The following ACOT11 variants were observed in gnomAD, a reference collection of about 807,000 sequenced individuals.
ACOT11 encodes acyl-coenzyme A thioesterase 11.
A neutral mutation model predicts 77.5 loss-of-function variants in ACOT11; 69 were observed. The ratio of observed to expected loss-of-function variants is 0.89; its 90% CI spans 0.73 to 1.09. The LOEUF is 1.09. Among genes scored for constraint, ACOT11 ranks in the 50% least tolerant of loss-of-function variants. ACOT11 has a pLI of 0.00. For synonymous variants in ACOT11, 279 were observed against 313.0 expected, an observed-to-expected ratio of 0.89 and a Z score of 1.15; for missense variants, 766 against 813.7, an observed-to-expected ratio of 0.94 and a Z score of 0.71.
chr1:54,574,415 C>T (rs1003753454), intron 1 of ACOT11, among the ~76,000 whole-genome samples: 5 of 152,178 alleles, frequency 3.3e-5, no homozygotes, highest in Non-Finnish European at 5.9e-5. Context: ...TCTGTGAGGG[C>T]GCGGCTCAGG....
intron 1 of ACOT11, among the ~76,000 whole-genome samples, chr1:54,581,292 C>T (rs1163850159): frequency 6.6e-6 from 1 of 152,184 alleles, no homozygotes; most frequent in Non-Finnish European, 1.5e-5. Context: ...AGGGAGGAAA[C>T]CAAGGTGAAG....
intron 13 of ACOT11, 48 bp downstream of exon 13, chr1:54,605,257 T>G (rs1461299077): frequency 6.3e-7 from 1 of 1,593,804 alleles, no homozygotes; most frequent in Admixed American, 1.7e-5. Context: ...TCCGGCCTGA[T>G]GAGGGAGAGA....
chr1:54,592,227 C>T (rs1470074312), intron 3 of ACOT11, among the ~76,000 whole-genome samples: 1 of 152,116 alleles, frequency 6.6e-6, no homozygotes, highest in African/African-American at 2.4e-5. Flanking sequence ...GAGGGGTCCC[C>T]TGAGGAGGGG....
At chr1:54,575,239 G>C (rs1437178534) in intron 1 of ACOT11, among the ~76,000 whole-genome samples, 1 of 152,196 alleles carries the variant, frequency 6.6e-6, no homozygotes, top group African/African-American at 2.4e-5. Context: ...ACCAGTGATA[G>C]CACCTCACAT....
chr1:54,584,482 G>A lies in ACOT11; in HGVS notation c.34-173G>A, dbSNP rs1173000727. Among the ~76,000 whole-genome samples the A allele has an allele frequency of 6.6e-6, 1 of 152,152 alleles. No individual in the cohort carries two copies. Among genetic ancestry groups the A allele is most frequent in the Non-Finnish European group, 1.5e-5 (1 of 68,032 alleles). ...GAAGCAGCAATCACAGATATCCTGGGGTCCGAGACCACGGGCTGGAGGGTG... is the reference window on the plus strand; with the variant it reads ...GAAGCAGCAATCACAGATATCCTGGAGTCCGAGACCACGGGCTGGAGGGTG... On this transcript the variant is annotated intron_variant, in intron 1 of 15. Coordinates refer to ENST00000343744, the MANE Select transcript of ACOT11 (RefSeq NM_147161.4). This position sits in a 1 kb window ranked among gnomAD's most constrained non-coding sequence, Gnocchi z 6.3.
downstream of ACOT11, chr1:54,614,775 C>T (rs112454960): frequency 2.1e-5 from 34 of 1,613,970 alleles, no homozygotes; most frequent in Admixed American, 1.0e-4. Context: ...TATGGGCCGC[C>T]GGACTTTGCC....
intron 1 of ACOT11, among the ~76,000 whole-genome samples, chr1:54,551,351 C>T (rs1328920528): frequency 6.6e-6 from 1 of 152,124 alleles, no homozygotes; most frequent in South Asian, 2.1e-4. Context: ...CCCCTGGGTA[C>T]CCAGCAAGTG....
chr1:54,609,190 C>T lies in ACOT11; in HGVS notation c.*78C>T, dbSNP rs141925785. ...ACTCACATACAGTGCCTGGAGAAAGCCAAAGACCTTTATTTCTTCCTGCCT... is the reference window on the plus strand; with the variant it reads ...ACTCACATACAGTGCCTGGAGAAAGTCAAAGACCTTTATTTCTTCCTGCCT... On this transcript the variant is annotated 3_prime_UTR_variant, in exon 16 of 16. Coordinates refer to ENST00000343744, the MANE Select transcript of ACOT11 (RefSeq NM_147161.4). The T allele has an allele frequency of 8.1e-6, 13 of 1,600,098 alleles. No homozygotes were observed. In the East Asian group the frequency reaches 2.7e-4, roughly 33 times the overall value.
In ACOT11 at chr1:54,609,175, A is replaced by T; in HGVS notation, c.*63A>T. ...ATCCTGTCCCCAAGGACTCACATAC[A>T]GTGCCTGGAGAAAGCCAAAGACCTT... On this transcript the variant is annotated 3_prime_UTR_variant, in exon 16 of 16. Transcript: ENST00000343744. 1 of 1,606,074 alleles carries T rather than the reference A, an allele frequency of 6.2e-7. No individual in the cohort carries two copies. Among genetic ancestry groups the T allele is most frequent in the Non-Finnish European group, 8.5e-7 (1 of 1,175,486 alleles).
chr1:54,558,993 T>A (rs1391737679), intron 1 of ACOT11, among the ~76,000 whole-genome samples: 2 of 152,150 alleles, frequency 1.3e-5, no homozygotes, highest in African/African-American at 4.8e-5. Context: ...AGGTCTCAGC[T>A]GCCTCCCCAT....
chr1:54,584,697 G>C lies in ACOT11; in HGVS notation c.76G>C (p.Ala26Pro). Residue 26 changes from alanine to proline, a missense_variant, in exon 2 of 16, where the codon GCC (alanine) becomes CCC (proline). Transcript: ENST00000343744. This position sits in a 1 kb window ranked among gnomAD's most constrained non-coding sequence, Gnocchi z 6.3. The stretch of plus-strand genomic sequence containing the variant: ...CTCCAACCGCACATCCCGGAAGTCA[G>C]CCTTACGTGCGGGGAACGACAGTGC... ...VFSNRTSRKS[A>P]LRAGNDSAMA... The C allele has an allele frequency of 6.2e-7, 1 of 1,614,186 alleles. No individual in the cohort carries two copies. The highest frequency in any genetic ancestry group is 8.5e-7 in the Non-Finnish European group (1 of 1,180,020).
chr1:54,579,629 A>G (rs1289136039), intron 1 of ACOT11, among the ~76,000 whole-genome samples: 2 of 152,246 alleles, frequency 1.3e-5, no homozygotes, highest in African/African-American at 4.8e-5. Context: ...GACCTGGTTC[A>G]GACAATGGGG....
chr1:54,619,312 G>C (rs988820789), intron 15 of ACOT11, among the ~76,000 whole-genome samples: 1 of 152,192 alleles, frequency 6.6e-6, no homozygotes, highest in Non-Finnish European at 1.5e-5. Context: ...TCACGCAGTG[G>C]CTTGGAGCGT....
intron 1 of ACOT11, among the ~76,000 whole-genome samples, chr1:54,572,403 A>C (rs1653955816): frequency 6.6e-6 from 1 of 152,116 alleles, no homozygotes; most frequent in South Asian, 2.1e-4. Flanking sequence ...CACAGGCAGC[A>C]GCCTTGGCTG....
chr1:54,593,975 C>T lies in ACOT11; in HGVS notation c.407C>T (p.Ser136Phe). Residue 136 changes from serine (S) to phenylalanine (F), a missense_variant, in exon 5 of 16, where the codon TCT becomes TTT. Transcript: ENST00000343744. Reference sequence around the variant, plus strand: ...CAGGTGGCCTCGGAGGACCTGTGCTCTGAGAAGCAGTGGAATGTGTGCAAG... The same window carrying T: ...CAGGTGGCCTCGGAGGACCTGTGCTTTGAGAAGCAGTGGAATGTGTGCAAG... ...GIQVASEDLC[S>F]EKQWNVCKAL... 6.2e-7 allele frequency: 1 copy of T among 1,614,194 alleles called. No individual in the cohort carries two copies. The highest frequency in any genetic ancestry group is 8.5e-7 in the Non-Finnish European group (1 of 1,180,026).
At chr1:54,580,107 T>A (rs1409984743) in intron 1 of ACOT11, among the ~76,000 whole-genome samples, 3 of 152,296 alleles carry the variant, frequency 2.0e-5, no homozygotes, top group African/African-American at 7.2e-5. Flanking sequence ...AATAATCCCA[T>A]TTTTATAGAC....
intron 1 of ACOT11, among the ~76,000 whole-genome samples, chr1:54,552,930 C>T (rs182332834): frequency 1.3e-4 from 20 of 150,754 alleles, no homozygotes; most frequent in African/African-American, 4.4e-4. Flanking sequence ...CAGGTTCAAG[C>T]GATTCTCCTG....
intron 16 of ACOT11, chr1:54,630,915 C>A (rs1157855647): frequency 4.4e-6 from 3 of 683,508 alleles, no homozygotes; most frequent in Non-Finnish European, 8.2e-6. Context: ...CCGGAAGCGT[C>A]AGGGTAACAA....
chr1:54,605,729 A>T (rs1346785690), intron 13 of ACOT11, among the ~76,000 whole-genome samples: 1 of 152,234 alleles, frequency 6.6e-6, no homozygotes, highest in African/African-American at 2.4e-5. Flanking sequence ...ATGAATGATT[A>T]TGAATAGAAA....
Sources: gnomAD v4.1 joint callset for allele counts (sites outside exome capture counted in the v4.1 genomes callset) on GRCh38, gnomAD v4.1.1 for gene constraint, Gnocchi (gnomAD v3.1) non-coding constraint, MANE v1.5 for transcripts, NCBI Gene and HGNC (gene_info 2026-07-23, HGNC 2026-07-21) for gene names.